TLCD3A: variants seen among roughly 807,000 people sequenced by gnomAD.
The protein encoded by TLCD3A is TLC domain-containing protein 3A.
A neutral mutation model predicts 29.9 loss-of-function variants in TLCD3A; 17 were observed. That is an observed-to-expected ratio of 0.57 (90% CI 0.39 to 0.85). The LOEUF (loss-of-function observed/expected upper bound fraction) is 0.85, where lower values mean the gene tolerates loss of function less well. Ranked by LOEUF, TLCD3A falls within the 40% of genes least tolerant of loss-of-function variation. The pLI is 0.00. For missense variants in TLCD3A, 332 were observed against 350.8 expected (o/e 0.95, Z 0.43); for synonymous variants, 143 against 147.7 (o/e 0.97, Z 0.23).
intron 3 of TLCD3A, 65 bp from the exon 4 acceptor site, chr17:740,440 G>T (rs1974231438): frequency 8.1e-7 from 1 of 1,238,714 alleles, no homozygotes; most frequent in Non-Finnish European, 1.2e-6. Context: ...AGCCCTCGTT[G>T]GAATTTTCCT....
In TLCD3A at chr17:732,625, AGGC is replaced by A. The variant is rs758933032; in HGVS notation, c.-19_-17del. The stretch of plus-strand genomic sequence containing the variant: ...CGAACCCAGCCACGCGGCGCCAGCG[AGGC>A]GGCCGGACCCGCAGCCCCGATGCTG... On this transcript the variant is annotated 5_prime_UTR_variant, in exon 1 of 5. Coordinates refer to ENST00000308278, the MANE Select transcript of TLCD3A (RefSeq NM_024792.3). The A allele has an allele frequency of 8.1e-7, 1 of 1,228,114 alleles. No homozygotes were observed. Among genetic ancestry groups the A allele is most frequent in the Non-Finnish European group, 1.0e-6 (1 of 985,852 alleles). 76.1% of individuals were successfully genotyped at this position (1,228,114 alleles called of 1,614,324 possible). A position where few individuals can be genotyped will look rare whatever the true frequency, so the allele number is the denominator to read the frequency against.
chr17:736,906 G>T (rs527747919), intron 2 of TLCD3A, among the ~76,000 whole-genome samples: 209 of 151,988 alleles, frequency 1.4e-3, no homozygotes, highest in African/African-American at 4.9e-3. Context: ...CACCTGCCTT[G>T]GCCTCCCAAA....
intron 4 of TLCD3A, 125 bp from the exon 5 acceptor site, chr17:741,176 G>C (rs902871612): frequency 3.2e-6 from 3 of 938,440 alleles, no homozygotes; most frequent in Non-Finnish European, 4.9e-6. Flanking sequence ...CAGGGAATCT[G>C]ACAGCCAAGG....
At position 741,350 on chromosome 17, in the gene TLCD3A, T is replaced by G. The variant is rs1192877999; in HGVS notation, c.554T>G (p.Leu185Arg). 6.2e-7 allele frequency: 1 copy of G among 1,614,118 alleles called. No individual in the cohort carries two copies. The highest frequency in any genetic ancestry group is 8.5e-7 in the Non-Finnish European group (1 of 1,180,046). The change falls in exon 5 of 5, where the codon CTG becomes CGG. Residue 185 changes from leucine (L) to arginine (R), a missense_variant. By Grantham distance (102) the Leu-to-Arg change is moderately radical. Coordinates refer to ENST00000308278, the MANE Select transcript of TLCD3A (RefSeq NM_024792.3). ...TACAAGGTGAATGGAATCCTCACGC[T>G]GGCCACCTTCCTTTCCTGCCGGATC... ...LLYKVNGILT[L>R]ATFLSCRILL...
At chr17:735,241 A>G (rs1014791013) in intron 2 of TLCD3A, among the ~76,000 whole-genome samples, 6 of 150,526 alleles carry the variant, frequency 4.0e-5, no homozygotes, top group African/African-American at 1.2e-4. Flanking sequence ...TGAACTCCTG[A>G]CCTCAGGTGA....
In TLCD3A at chr17:741,665, G is replaced by A; in HGVS notation, c.*95G>A. The A allele has an allele frequency of 2.8e-6, 4 of 1,430,482 alleles. No homozygotes were observed. Among genetic ancestry groups the A allele is most frequent in the Non-Finnish European group, 3.8e-6 (4 of 1,055,952 alleles). The allele number at this position is 1,430,482 out of a possible 1,614,324, so 88.6% of individuals were successfully genotyped here. ...GTGCCCTGGGTAGCCTCAGACTTTG[G>A]GTATTGATAAGCCGATGGATTTGAG... On this transcript the variant is annotated 3_prime_UTR_variant, in exon 5 of 5. Transcript: ENST00000308278.
intron 2 of TLCD3A, among the ~76,000 whole-genome samples, chr17:736,939 C>T (rs997752111): frequency 1.1e-4 from 16 of 152,134 alleles, no homozygotes; most frequent in African/African-American, 3.9e-4. Flanking sequence ...CAGGTGTGAG[C>T]CACCACGCCC....
intron 3 of TLCD3A, among the ~76,000 whole-genome samples, chr17:739,991 A>T (rs1339380043): frequency 6.6e-6 from 1 of 152,186 alleles, no homozygotes; most frequent in Admixed American, 6.5e-5. Context: ...GGTTGCAGTG[A>T]GCTGAGATCA....
In TLCD3A at chr17:741,751, T is replaced by C. The variant is rs983359170; in HGVS notation, c.*181T>C. 4.2e-6 allele frequency: 3 copies of C among 718,356 alleles called. No individual in the cohort carries two copies. The highest frequency in any genetic ancestry group is 6.8e-6 in the Non-Finnish European group (3 of 444,298). 44.5% of individuals were successfully genotyped at this position (718,356 alleles called of 1,614,324 possible). On this transcript the variant is annotated 3_prime_UTR_variant, in exon 5 of 5. Coordinates refer to ENST00000308278, the MANE Select transcript of TLCD3A (RefSeq NM_024792.3). ...TAACTTGCCCTATTTGCAAAAGCAC[T>C]TTTGTAGTAACAACTATTGGGTCCT...
At position 733,191 on chromosome 17, in the gene TLCD3A, C is replaced by T. The variant is rs761598561; in HGVS notation, c.206+10C>T. 3.9e-6 allele frequency: 6 copies of T among 1,534,616 alleles called. No homozygotes were observed. Among genetic ancestry groups the T allele is most frequent in the Non-Finnish European group, 4.4e-6 (5 of 1,140,672 alleles). ...ACGTGATCACCGGCAGGTAAGAGCC[C>T]GGGCCGGGGCCTTGTTGCAAATGTC... On this transcript the variant is annotated intron_variant, in intron 2 of 4. Transcript: ENST00000308278.
intron 2 of TLCD3A, among the ~76,000 whole-genome samples, chr17:737,155 G>T (rs967713602): frequency 3.3e-5 from 5 of 152,124 alleles, no homozygotes; most frequent in African/African-American, 1.2e-4. Context: ...GGGACTACAG[G>T]TGTGCGCCAC....
In TLCD3A at chr17:733,097, G is replaced by T; in HGVS notation, c.123-1G>T. 1 of 1,585,350 alleles carries T rather than the reference G, an allele frequency of 6.3e-7. No individual in the cohort carries two copies. Among genetic ancestry groups the T allele is most frequent in the South Asian group, 1.1e-5 (1 of 86,960 alleles). ...CGCGCTGTTCTCTCCGCCCGCGCTA[G>T]GCTGGTTTCCTCGGTGCACGCCGTG... is the stretch of plus-strand genomic sequence containing the variant. On this transcript the variant is annotated splice_acceptor_variant, in intron 1 of 4. Transcript: ENST00000308278. LOFTEE classifies it high-confidence loss of function.
intron 2 of TLCD3A, among the ~76,000 whole-genome samples, chr17:736,517 A>C (rs1164925157): frequency 6.6e-6 from 1 of 152,208 alleles, no homozygotes; most frequent in Non-Finnish European, 1.5e-5. Flanking sequence ...TATGATTTCC[A>C]TTCAGCAAAT....
rs1421328957 is a variant in TLCD3A, at chr17:732,645, C to G, written c.-3C>G. 4.5e-6 allele frequency: 6 copies of G among 1,329,694 alleles called. No individual in the cohort carries two copies. In the South Asian group the frequency reaches 1.1e-4, roughly 25 times the overall value. The allele number at this position is 1,329,694 out of a possible 1,614,324, so 82.4% of individuals were successfully genotyped here. ...CAGCGAGGCGGCCGGACCCGCAGCCCCGATGCTGCTGACGCTGGCCGGGGG... is the reference window on the plus strand; with the variant it reads ...CAGCGAGGCGGCCGGACCCGCAGCCGCGATGCTGCTGACGCTGGCCGGGGG... On this transcript the variant is annotated 5_prime_UTR_variant, in exon 1 of 5. Coordinates refer to ENST00000308278, the MANE Select transcript of TLCD3A (RefSeq NM_024792.3).
In TLCD3A at chr17:737,573, T is replaced by C. The variant is rs963671575; in HGVS notation, c.207-273T>C. Among the ~76,000 whole-genome samples, 40 of 151,950 alleles carry C rather than the reference T, an allele frequency of 2.6e-4. 1 individual carries two copies. Among genetic ancestry groups the C allele is most frequent in the African/African-American group, 8.5e-4 (35 of 41,368 alleles). Reference sequence around the variant, plus strand: ...AGTTTTATCACAAAATGCCAGAACATCTACTACAAATTAGTAGCTAAGTCA... The same window carrying C: ...AGTTTTATCACAAAATGCCAGAACACCTACTACAAATTAGTAGCTAAGTCA... On this transcript the variant is annotated intron_variant, in intron 2 of 4. Coordinates refer to ENST00000308278, the MANE Select transcript of TLCD3A (RefSeq NM_024792.3).
At chr17:737,710 CCT>C in intron 2 of TLCD3A, 134 bp from the exon 3 acceptor site, 3 of 874,150 alleles carry the variant, frequency 3.4e-6, no homozygotes, top group South Asian at 3.1e-5. Context: ...GTCTACTCTC[CCT>C]GTTTATCAGT....
In TLCD3A at chr17:732,818, G is replaced by A. The variant is rs758880118; in HGVS notation, c.122+49G>A. On this transcript the variant is annotated intron_variant, in intron 1 of 4. Transcript: ENST00000308278. ...CCCGAGGCCCGGGGCGCTGCCCACC[G>A]CACCCCACCCGGCCGCGGGGCCCAG... 4 of 1,402,068 alleles carry A rather than the reference G, an allele frequency of 2.9e-6. No individual in the cohort carries two copies. In the South Asian group the frequency reaches 4.5e-5, roughly 16 times the overall value. 86.9% of individuals were successfully genotyped at this position (1,402,068 alleles called of 1,614,324 possible). A position where few individuals can be genotyped will look rare whatever the true frequency, so the allele number is the denominator to read the frequency against.
In TLCD3A at chr17:741,724, T is replaced by G; in HGVS notation, c.*154T>G. 1 of 932,498 alleles carries G rather than the reference T, an allele frequency of 1.1e-6. No homozygotes were observed. Among genetic ancestry groups the G allele is most frequent in the Non-Finnish European group, 1.6e-6 (1 of 638,152 alleles). The allele number at this position is 932,498 out of a possible 1,614,324, so 57.8% of individuals were successfully genotyped here. A position where few individuals can be genotyped will look rare whatever the true frequency, so the allele number is the denominator to read the frequency against. The stretch of plus-strand genomic sequence containing the variant: ...AAGAATATTCATATTACCTCCTTCT[T>G]CTAACTTGCCCTATTTGCAAAAGCA... On this transcript the variant is annotated 3_prime_UTR_variant, in exon 5 of 5. Transcript: ENST00000308278.
chr17:734,964 G>T (rs1054011379), intron 2 of TLCD3A, among the ~76,000 whole-genome samples: 1 of 152,120 alleles, frequency 6.6e-6, no homozygotes, highest in Non-Finnish European at 1.5e-5. Flanking sequence ...TCATAGGTGT[G>T]AGCCACCGTG....
Sources: gnomAD v4.1 joint callset for allele counts (sites outside exome capture counted in the v4.1 genomes callset) on GRCh38, gnomAD v4.1.1 for gene constraint, MANE v1.5 for transcripts, NCBI Gene and HGNC (gene_info 2026-07-23, HGNC 2026-07-21) for gene names.